Variants in CYP3A4 observed in about 807,000 individuals in gnomAD.
The protein encoded by CYP3A4 is cytochrome P450 family 3 subfamily A member 4, also known as cytochrome P450 3A4.
In CYP3A4, 41 loss-of-function variants were observed where a neutral mutation model predicts 54.9. The ratio of observed to expected loss-of-function variants is 0.75; its 90% CI spans 0.58 to 0.97. The LOEUF (loss-of-function observed/expected upper bound fraction) is 0.97, where lower values mean the gene tolerates loss of function less well. Ranked by LOEUF, CYP3A4 falls within the 50% of genes least tolerant of loss-of-function variation. The probability of loss-of-function intolerance (pLI) is 0.00; values close to 1 mark genes in which losing one functional copy is unlikely to be tolerated. For missense variants in CYP3A4, 510 were observed against 597.3 expected, an observed-to-expected ratio of 0.85 and a Z score of 1.52; for synonymous variants, 179 against 205.2, an observed-to-expected ratio of 0.87 and a Z score of 1.09.
chr7:99,775,529 A>G (rs1290380503), intron 3 of CYP3A4, among the ~76,000 whole-genome samples: 1 of 152,236 alleles, frequency 6.6e-6, no homozygotes, highest in Non-Finnish European at 1.5e-5. Flanking sequence ...GGCCTCAGAA[A>G]TAACACCATG....
intron 6 of CYP3A4, among the ~76,000 whole-genome samples, chr7:99,769,109 T>TA (rs1030917050): frequency 1.6e-4 from 24 of 151,592 alleles, no homozygotes; most frequent in East Asian, 1.9e-4. Context: ...ATGTCCTGGT[T>TA]AAAAAAAAAT....
At position 99,769,990 on chromosome 7, in the gene CYP3A4, A is replaced by G. The variant is rs995698440; in HGVS notation, c.432+132T>C. On this transcript the variant is annotated intron_variant, in intron 5 of 12. Transcript: ENST00000651514. The stretch of plus-strand genomic sequence containing the variant: ...TGTGATGTGTTTTCTGTACATAAAG[A>G]TAAAAGACCATTTTTAGGCAGCTCA... The G allele has an allele frequency of 7.7e-6, 12 of 1,549,968 alleles. No homozygotes were observed. In the African/African-American group the frequency reaches 1.4e-4, roughly 18 times the overall value.
At chr7:99,760,594 T>TA (rs1213804834) in intron 12 of CYP3A4, among the ~76,000 whole-genome samples, 1 of 152,230 alleles carries the variant, frequency 6.6e-6, no homozygotes, top group Admixed American at 6.5e-5. Context: ...TGCAGATAAT[T>TA]ATGCCATGCT....
At chr7:99,776,948 G>A (rs1162703543) in intron 3 of CYP3A4, among the ~76,000 whole-genome samples, 1 of 152,116 alleles carries the variant, frequency 6.6e-6, no homozygotes, top group East Asian at 1.9e-4. Flanking sequence ...TATAGACAAA[G>A]AAATGCTTAT....
intron 9 of CYP3A4, 32 bp downstream of exon 9, chr7:99,766,345 C>T (rs916887502): frequency 1.2e-5 from 19 of 1,610,268 alleles, no homozygotes; most frequent in Non-Finnish European, 1.6e-5. Context: ...TCTGAGTGCC[C>T]CACAAGTAGC....
At chr7:99,783,391 GA>G (rs1815975182) in intron 1 of CYP3A4, among the ~76,000 whole-genome samples, 1 of 152,114 alleles carries the variant, frequency 6.6e-6, no homozygotes, top group Admixed American at 6.5e-5. Context: ...GCCAAGTTTG[GA>G]ATGAGATCCG....
rs147937926 is a variant in CYP3A4 at position 99,757,885 on chromosome 7, C to T, written c.*248G>A. On this transcript the variant is annotated 3_prime_UTR_variant, in exon 13 of 13. Transcript: ENST00000651514. ...TAACTGGGGGTGGTGGAAATAGTCC[C>T]GTGAGAAGCAGAGGAGCCAAATCTA... 8 of 425,628 alleles carry T rather than the reference C, an allele frequency of 1.9e-5. No individual in the cohort carries two copies. The highest frequency in any genetic ancestry group is 4.2e-5 in the East Asian group (1 of 23,606). The allele number at this position is 425,628 out of a possible 1,614,324, so 26.4% of individuals were successfully genotyped here.
chr7:99,781,874 G>A (rs1428350429), intron 1 of CYP3A4, among the ~76,000 whole-genome samples: 1 of 152,184 alleles, frequency 6.6e-6, no homozygotes, highest in African/African-American at 2.4e-5. Flanking sequence ...TCTTTAAAGG[G>A]TAGCCCTTAA....
rs781704051 is a variant in CYP3A4 at position 99,767,235 on chromosome 7, T to C, written c.694A>G (p.Ile232Val). 7 of 1,601,662 alleles carry C rather than the reference T, an allele frequency of 4.4e-6. No homozygotes were observed. Among genetic ancestry groups the C allele is most frequent in the African/African-American group, 2.7e-5 (2 of 74,110 alleles). ...SITVFPFLIP[I>V]LEVLNICVFP... is the part of the protein sequence containing the mutation. ...ACACAGATATTTAATACTTCAAGAA[T>C]TGGGATGAGGAATGGAAAGACTGCT... Residue 232 changes from isoleucine to valine, a missense_variant, in exon 8 of 13, where the codon ATT becomes GTT. Ile to Val is a conservative substitution (Grantham distance 29). Around this residue, in one of 2 missense-constraint regions of CYP3A4, gnomAD observed 272 missense variants for 274.9 expected, o/e 0.99. Transcript: ENST00000651514.
At chr7:99,780,235 A>C in intron 1 of CYP3A4, 150 bp from the exon 2 acceptor site, 1 of 753,178 alleles carries the variant, frequency 1.3e-6, no homozygotes, top group Non-Finnish European at 2.1e-6. Context: ...GGCAATGATT[A>C]TATTTGTTCA....
At chr7:99,778,243 G>A (rs1815824925) in intron 2 of CYP3A4, among the ~76,000 whole-genome samples, 163 bp from the exon 3 acceptor site, 1 of 152,200 alleles carries the variant, frequency 6.6e-6, no homozygotes, top group South Asian at 2.1e-4. Context: ...AACAGAGGAG[G>A]TATTTGAAAA....
chr7:99,769,892 G>A, intron 5 of CYP3A4, 36 bp from the exon 6 acceptor site: 3 of 1,613,456 alleles, frequency 1.9e-6, no homozygotes, highest in African/African-American at 1.3e-5. Flanking sequence ...ATAGTTAAAT[G>A]TGCAGACTCT....
At chr7:99,777,309 G>A (rs1815795783) in intron 3 of CYP3A4, among the ~76,000 whole-genome samples, 2 of 152,102 alleles carry the variant, frequency 1.3e-5, no homozygotes, top group South Asian at 4.1e-4. Flanking sequence ...GATGCTGTGA[G>A]TCCCTGGGCC....
chr7:99,768,252 CTG>C, intron 7 of CYP3A4, 100 bp downstream of exon 7: 2 of 1,268,338 alleles, frequency 1.6e-6, no homozygotes, highest in Non-Finnish European at 2.2e-6. Context: ...AATCACTGAA[CTG>C]TATATTTTAA....
intron 1 of CYP3A4, 34 bp downstream of exon 1, chr7:99,783,977 G>A (rs200968823): frequency 1.9e-6 from 3 of 1,605,716 alleles, no homozygotes; most frequent in Non-Finnish European, 2.6e-6. Flanking sequence ...CAAGTCCAAG[G>A]AAACAGAGAA....
In CYP3A4 at chr7:99,767,247, A is replaced by G. The variant is rs746262049; in HGVS notation, c.682T>C (p.Phe228Leu). ...AATACTTCAAGAATTGGGATGAGGAATGGAAAGACTGCTGTAGGAAAAACA... is the reference window on the plus strand; with the variant it reads ...AATACTTCAAGAATTGGGATGAGGAGTGGAAAGACTGCTGTAGGAAAAACA... ...PFFLSITVFP[F>L]LIPILEVLNI... The change falls in exon 8 of 13, where the codon TTC (phenylalanine) becomes CTC (leucine). Residue 228 changes from phenylalanine (F) to leucine (L), a missense_variant. By Grantham distance (22) the Phe-to-Leu change is conservative. Transcript: ENST00000651514. 8 of 1,588,996 alleles carry G rather than the reference A, an allele frequency of 5.0e-6. No individual in the cohort carries two copies. Among genetic ancestry groups the G allele is most frequent in the Admixed American group, 1.9e-5 (1 of 52,934 alleles).
intron 11 of CYP3A4, 109 bp downstream of exon 11, chr7:99,761,932 T>C: frequency 9.9e-7 from 1 of 1,012,442 alleles, no homozygotes; most frequent in Non-Finnish European, 1.5e-6. Flanking sequence ...AATATAAAAA[T>C]ACAAGCAAAT....
Position 99,757,870 on chromosome 7 carries a change from T to G in CYP3A4, c.*263A>C. ...AGGAGTTAATGGTGCTAACTGGGGG[T>G]GGTGGAAATAGTCCCGTGAGAAGCA... On this transcript the variant is annotated 3_prime_UTR_variant, in exon 13 of 13. Coordinates refer to ENST00000651514, the MANE Select transcript of CYP3A4 (RefSeq NM_017460.6). The G allele has an allele frequency of 2.6e-6, 1 of 381,988 alleles. No homozygotes were observed. The allele number at this position is 381,988 out of a possible 1,614,324, so 23.7% of individuals were successfully genotyped here.
chr7:99,765,451 A>G (rs985323258), intron 9 of CYP3A4, among the ~76,000 whole-genome samples: 1 of 151,960 alleles, frequency 6.6e-6, no homozygotes, highest in Non-Finnish European at 1.5e-5. Flanking sequence ...TGGATAAATG[A>G]TAGATGATAG....
Sources: allele counts gnomAD v4.1 joint callset (sites outside exome capture counted in the v4.1 genomes callset), GRCh38; gene constraint gnomAD v4.1.1; regional missense constraint gnomAD v4.1.1; transcripts MANE v1.5; gene names NCBI Gene and HGNC (gene_info 2026-07-23, HGNC 2026-07-21).